The following FBLN7 variants were observed in gnomAD, a reference collection of about 807,000 sequenced individuals.
The protein encoded by FBLN7 is fibulin 7, also known as fibulin-7.
Under a neutral mutation model 44.0 loss-of-function variants are expected in FBLN7, and 31 were observed. That is an observed-to-expected ratio of 0.70 (90% confidence interval 0.53 to 0.95). The LOEUF (loss-of-function observed/expected upper bound fraction) is 0.95. FBLN7 is among the 40% of genes least tolerant of loss of function. The pLI, the probability that FBLN7 is intolerant of heterozygous loss-of-function variation, is 0.00. For missense variants in FBLN7, 573 were observed against 618.5 expected (o/e 0.93, Z 0.78); for synonymous variants, 262 against 253.4 (o/e 1.03, Z -0.32).
At chr2:112,217,996 C>A in the FBLN7 span, among the ~76,000 whole-genome samples, 1 of 152,142 alleles carries the variant, frequency 6.6e-6, no homozygotes, top group African/African-American at 2.4e-5. Context: ...TGAATTCAAA[C>A]TCCTGCCTCC....
At chr2:112,227,490 C>T in the FBLN7 span, among the ~76,000 whole-genome samples, 7 of 152,232 alleles carry the variant, frequency 4.6e-5, no homozygotes, top group African/African-American at 1.7e-4. Flanking sequence ...GCGCCATTTG[C>T]ACTCCAGCCT....
At chr2:112,233,770 G>A in the FBLN7 span, among the ~76,000 whole-genome samples, 6 of 152,112 alleles carry the variant, frequency 3.9e-5, no homozygotes, top group Non-Finnish European at 5.9e-5. Context: ...TTGGGAGGCT[G>A]AGGCAGGAGA....
At chr2:112,193,808 C>T in the FBLN7 span, among the ~76,000 whole-genome samples, 3 of 152,052 alleles carry the variant, frequency 2.0e-5, no homozygotes, top group Non-Finnish European at 4.4e-5. Context: ...TTTGGATGGC[C>T]ATATTGGGCT....
At chr2:112,164,938 A>G in intron 2 of FBLN7, 63 bp from the exon 3 acceptor site, 1 of 1,557,618 alleles carries the variant, frequency 6.4e-7, no homozygotes, top group Non-Finnish European at 8.8e-7. Flanking sequence ...CCTGTAATTC[A>G]GTAATGTCTA....
chr2:112,234,637 C>T, the FBLN7 span, among the ~76,000 whole-genome samples: 1 of 152,000 alleles, frequency 6.6e-6, no homozygotes, highest in South Asian at 2.1e-4. Flanking sequence ...CTCATCTCTA[C>T]TAAAATACAA....
chr2:112,205,526 G>T, the FBLN7 span, among the ~76,000 whole-genome samples: 1,070 of 152,026 alleles, frequency 7.0e-3, 10 homozygotes, highest in African/African-American at 0.024. Flanking sequence ...GAACAACAAA[G>T]ATAACAAAAC....
chr2:112,210,587 A>C, the FBLN7 span, among the ~76,000 whole-genome samples: 1 of 141,386 alleles, frequency 7.1e-6, no homozygotes, highest in East Asian at 2.2e-4. Flanking sequence ...ACCCAGGAGG[A>C]AGAGGTTGCA....
chr2:112,161,453 A>G (rs1681864940), intron 2 of FBLN7, among the ~76,000 whole-genome samples: 1 of 152,070 alleles, frequency 6.6e-6, no homozygotes, highest in Admixed American at 6.5e-5. Flanking sequence ...CCAAGCCCTC[A>G]CTGGGGCTCC....
chr2:112,155,342 A>G (rs932088737), intron 1 of FBLN7, among the ~76,000 whole-genome samples: 1 of 152,220 alleles, frequency 6.6e-6, no homozygotes, highest in Non-Finnish European at 1.5e-5. Context: ...CATGGCATCC[A>G]GGACCTGCCC....
Position 112,181,810 on chromosome 2 carries a change from G to C in FBLN7, c.604G>C (p.Ala202Pro). The change falls in exon 5 of 8, where the codon GCT (alanine) becomes CCT (proline). Residue 202 changes from alanine (A) to proline (P), a missense_variant. Physicochemically the swap from Ala to Pro is conservative, Grantham distance 27. Transcript: ENST00000331203. Reference sequence around the variant, plus strand: ...GCCGCGCTGTGCGCAGGTGGAGCGGGCTCAGCACTGCAGCTGCGAGGCCGG... The same window carrying C: ...GCCGCGCTGTGCGCAGGTGGAGCGGCCTCAGCACTGCAGCTGCGAGGCCGG... ...RAPRCAQVER[A>P]QHCSCEAGFH... 1.3e-6 allele frequency: 2 copies of C among 1,510,120 alleles called. No individual in the cohort carries two copies. Among genetic ancestry groups the C allele is most frequent in the South Asian group, 1.2e-5 (1 of 82,448 alleles). The allele number at this position is 1,510,120 out of a possible 1,614,324, so 93.5% of individuals were successfully genotyped here. A position where few individuals can be genotyped will look rare whatever the true frequency, so the allele number is the denominator to read the frequency against.
chr2:112,238,923 G>A, the FBLN7 span, among the ~76,000 whole-genome samples: 172 of 152,268 alleles, frequency 1.1e-3, 1 homozygote, highest in Non-Finnish European at 2.1e-3. Flanking sequence ...ACTTTTAAAT[G>A]TCTTCAATAA....
the FBLN7 span, chr2:112,238,589 T>C: frequency 1.4e-6 from 2 of 1,397,274 alleles, no homozygotes; most frequent in South Asian, 1.4e-5. Context: ...AATCTGGCTA[T>C]ACAGAAGAAA....
the FBLN7 span, chr2:112,230,702 C>G: frequency 1.0e-4 from 25 of 239,000 alleles, 1 homozygote; most frequent in South Asian, 1.7e-3. Context: ...TAAAAATATA[C>G]CTGATAGACA....
At chr2:112,239,837 G>A in the FBLN7 span, among the ~76,000 whole-genome samples, 3 of 152,046 alleles carry the variant, frequency 2.0e-5, no homozygotes, top group Non-Finnish European at 2.9e-5. Context: ...CGCCTGCCTC[G>A]GCCTCCCAAA....
chr2:112,146,412 T>C (rs150328319), intron 1 of FBLN7, among the ~76,000 whole-genome samples: 4 of 152,360 alleles, frequency 2.6e-5, no homozygotes, highest in Non-Finnish European at 4.4e-5. Context: ...AGAATTGGCA[T>C]CTTAAATGTA....
intron 2 of FBLN7, among the ~76,000 whole-genome samples, 190 bp downstream of exon 2, chr2:112,160,025 C>T (rs1157880471): frequency 2.0e-5 from 3 of 151,512 alleles, no homozygotes; most frequent in Non-Finnish European, 4.4e-5. Context: ...GAGTCTCGCT[C>T]TGTCGCCCAG....
chr2:112,240,345 C>G, the FBLN7 span: 1 of 152,182 alleles, frequency 6.6e-6, no homozygotes, highest in African/African-American at 2.4e-5. Context: ...GGTTGGCCGA[C>G]TCCTGTGATA....
the FBLN7 span, chr2:112,233,495 A>G: frequency 1.4e-5 from 9 of 657,740 alleles, no homozygotes. Context: ...TAGAGGTAGC[A>G]CATTCTAACT....
At chr2:112,147,955 G>A (rs1439023306) in intron 1 of FBLN7, among the ~76,000 whole-genome samples, 1 of 152,136 alleles carries the variant, frequency 6.6e-6, no homozygotes, top group Non-Finnish European at 1.5e-5. Flanking sequence ...GGCCAGAGGA[G>A]GAAGTGAGAG....
Sources: allele counts gnomAD v4.1 joint callset (sites outside exome capture counted in the v4.1 genomes callset), GRCh38; gene constraint gnomAD v4.1.1; transcripts MANE v1.5; gene names NCBI Gene and HGNC (gene_info 2026-07-23, HGNC 2026-07-21).